Variants in RAD51B observed in about 807,000 individuals in gnomAD.
The protein encoded by RAD51B is RAD51 paralog B, also known as DNA repair protein RAD51 homolog 2.
RAD51B carries 38 observed loss-of-function variants against 42.2 expected under a neutral mutation model. That is an observed-to-expected ratio of 0.90 (90% CI 0.70 to 1.18). The LOEUF (loss-of-function observed/expected upper bound fraction) is 1.18, where lower values mean the gene tolerates loss of function less well. Ranked by LOEUF, RAD51B falls within the 50% of genes most tolerant of loss-of-function variation. The pLI, the probability that RAD51B is intolerant of heterozygous loss-of-function variation, is 0.00. For missense variants in RAD51B, 373 were observed against 400.7 expected, an observed-to-expected ratio of 0.93 and a Z score of 0.59; for synonymous variants, 154 against 145.2, an observed-to-expected ratio of 1.06 and a Z score of -0.43.
chr14:68,239,006 TAAC>T (rs531747309), intron 7 of RAD51B, among the ~76,000 whole-genome samples: 68 of 152,320 alleles, frequency 4.5e-4, no homozygotes, highest in African/African-American at 1.5e-3. Flanking sequence ...CTTGGGACCT[TAAC>T]AACAACAACA....
intron 10 of RAD51B, among the ~76,000 whole-genome samples, chr14:68,543,280 C>CA (rs1454715562): frequency 2.0e-5 from 3 of 152,190 alleles, no homozygotes; most frequent in Non-Finnish European, 4.4e-5. Flanking sequence ...GAGAACCTGT[C>CA]ACTCTTCTAC....
intron 9 of RAD51B, among the ~76,000 whole-genome samples, chr14:68,436,896 A>G (rs1243650561): frequency 6.6e-6 from 1 of 152,180 alleles, no homozygotes; most frequent in East Asian, 1.9e-4. Context: ...GAAGTCATTT[A>G]TCAGCTGTAG....
intron 7 of RAD51B, among the ~76,000 whole-genome samples, chr14:68,260,563 G>A (rs572047489): frequency 6.6e-5 from 10 of 152,244 alleles, no homozygotes; most frequent in African/African-American, 2.4e-4. Flanking sequence ...ACAAAAAGCA[G>A]ATATGACCTA....
At chr14:67,886,011 T>C (rs1482098853) in intron 6 of RAD51B, 23 bp downstream of exon 6, 1 of 1,522,124 alleles carries the variant, frequency 6.6e-7, no homozygotes, top group East Asian at 2.3e-5. Flanking sequence ...AGATTTTGAT[T>C]TTTTAGTAAT....
chr14:68,349,899 GA>G (rs1396312414), intron 8 of RAD51B, among the ~76,000 whole-genome samples: 5 of 152,180 alleles, frequency 3.3e-5, no homozygotes, highest in Admixed American at 2.0e-4. Context: ...ATCCTAGCTA[GA>G]AAGAAAACTA....
intron 4 of RAD51B, among the ~76,000 whole-genome samples, chr14:67,836,463 A>C (rs948195687): frequency 6.6e-6 from 1 of 150,574 alleles, no homozygotes; most frequent in Non-Finnish European, 1.5e-5. Context: ...TCAAGCCTAC[A>C]TTTAAGGAAA....
At chr14:68,575,712 G>A (rs1030376689) in intron 10 of RAD51B, among the ~76,000 whole-genome samples, 4 of 152,194 alleles carry the variant, frequency 2.6e-5, no homozygotes, top group Non-Finnish European at 5.9e-5. Context: ...CCTGCACCCA[G>A]GCTCATGCCC....
intron 7 of RAD51B, among the ~76,000 whole-genome samples, chr14:68,103,840 C>T (rs2077331997): frequency 6.6e-6 from 1 of 152,134 alleles, no homozygotes; most frequent in Admixed American, 6.6e-5. Flanking sequence ...GAAAGGTGTT[C>T]TATGGATGAG....
chr14:68,225,430 A>G (rs984238192), intron 7 of RAD51B, among the ~76,000 whole-genome samples: 8 of 152,240 alleles, frequency 5.3e-5, no homozygotes, highest in Non-Finnish European at 1.0e-4. Flanking sequence ...GCTATGAAGA[A>G]GCTACCAATA....
chr14:67,903,399 A>G (rs1031690163), intron 7 of RAD51B, among the ~76,000 whole-genome samples: 6 of 152,192 alleles, frequency 3.9e-5, no homozygotes, highest in African/African-American at 1.4e-4. Flanking sequence ...TAAATAACTA[A>G]TATTTTTAGT....
chr14:68,458,348 G>T (rs1315933891), intron 9 of RAD51B, among the ~76,000 whole-genome samples: 2 of 152,118 alleles, frequency 1.3e-5, no homozygotes, highest in Non-Finnish European at 2.9e-5. Context: ...GTTTGAAAAG[G>T]TTCATAATAA....
chr14:67,967,513 A>G (rs1385561989), intron 7 of RAD51B, among the ~76,000 whole-genome samples: 4 of 152,252 alleles, frequency 2.6e-5, no homozygotes, highest in Admixed American at 2.0e-4. Flanking sequence ...GGGTACAGGC[A>G]TTGGGTAAAT....
chr14:68,174,726 C>G (rs1181679456), intron 7 of RAD51B, among the ~76,000 whole-genome samples: 1 of 152,146 alleles, frequency 6.6e-6, no homozygotes. Flanking sequence ...TCACTTCAAG[C>G]CTTTGCTGAA....
At chr14:68,663,511 G>A (rs928660658) in intron 11 of RAD51B, among the ~76,000 whole-genome samples, 2 of 151,992 alleles carry the variant, frequency 1.3e-5, no homozygotes, top group African/African-American at 2.4e-5. Context: ...GGCTCCCCCC[G>A]CTGCTAGCCC....
intron 8 of RAD51B, among the ~76,000 whole-genome samples, chr14:68,402,728 C>T (rs1351042100): frequency 2.0e-5 from 3 of 152,182 alleles, no homozygotes; most frequent in Non-Finnish European, 2.9e-5. Context: ...GGTGCATTCT[C>T]AAACTTCCTG....
At chr14:68,051,239 T>G (rs2076388206) in intron 7 of RAD51B, among the ~76,000 whole-genome samples, 1 of 152,050 alleles carries the variant, frequency 6.6e-6, no homozygotes, top group Non-Finnish European at 1.5e-5. Flanking sequence ...TGAAAAAGAT[T>G]ATCTACTTCT....
chr14:68,528,444 C>T (rs1424839271), intron 10 of RAD51B, among the ~76,000 whole-genome samples: 1 of 152,174 alleles, frequency 6.6e-6, no homozygotes, highest in Non-Finnish European at 1.5e-5. Context: ...CTCAAGTACA[C>T]TTTAAAAGTT....
At chr14:67,824,379 T>A (rs984018996) in intron 2 of RAD51B, among the ~76,000 whole-genome samples, 54 of 152,300 alleles carry the variant, frequency 3.5e-4, no homozygotes, top group Admixed American at 2.5e-3. Context: ...TGCTTCCATC[T>A]CCTGAGTAGC....
Position 68,278,748 on chromosome 14 carries a change from C to G in RAD51B, c.757-13136C>G, listed in dbSNP as rs1048373944. Among the ~76,000 whole-genome samples the G allele has an allele frequency of 2.0e-5, 3 of 152,196 alleles. No homozygotes were observed. The East Asian group carries it at 5.8e-4, about 29-fold the overall frequency. On this transcript the variant is annotated intron_variant, in intron 7 of 10. Coordinates refer to ENST00000471583, the MANE Select transcript of RAD51B (RefSeq NM_133510.4). ...GTCCTGAGCCTGCTGAGTCACTGTTCCAGCCCTTGGGCCACATGATCTCAG... is the reference window on the plus strand; with the variant it reads ...GTCCTGAGCCTGCTGAGTCACTGTTGCAGCCCTTGGGCCACATGATCTCAG...
Sources: allele counts gnomAD v4.1 joint callset (sites outside exome capture counted in the v4.1 genomes callset), GRCh38; gene constraint gnomAD v4.1.1; transcripts MANE v1.5; gene names NCBI Gene and HGNC (gene_info 2026-07-23, HGNC 2026-07-21).